Variants in TMEM200A observed in about 807,000 individuals in gnomAD.
TMEM200A encodes transmembrane protein 200A, also known as two transmembrane C.
TMEM200A carries 12 observed loss-of-function variants against 24.3 expected under a neutral mutation model. The ratio of observed to expected loss-of-function variants is 0.49; its 90% CI spans 0.32 to 0.80. TMEM200A has a LOEUF of 0.80. Among genes scored for constraint, TMEM200A ranks in the 30% least tolerant of loss-of-function variants. The pLI is 0.04. For synonymous variants in TMEM200A, 224 were observed against 224.4 expected, an observed-to-expected ratio of 1.00 and a Z score of 0.02; for missense variants, 545 against 614.4, an observed-to-expected ratio of 0.89 and a Z score of 1.19.
chr6:130,412,423 C>T (rs1053724349), intron 2 of TMEM200A, among the ~76,000 whole-genome samples: 1 of 152,110 alleles, frequency 6.6e-6, no homozygotes, highest in Non-Finnish European at 1.5e-5. Context: ...ATCCACCTTG[C>T]CCCTCCCACA....
chr6:130,407,419 G>C (rs1186764860), intron 2 of TMEM200A, among the ~76,000 whole-genome samples: 3 of 152,182 alleles, frequency 2.0e-5, no homozygotes, highest in Non-Finnish European at 1.5e-5. Context: ...ATTGTTAATG[G>C]TCGGGAGGTA....
At chr6:130,376,382 T>A (rs988462568) in intron 1 of TMEM200A, among the ~76,000 whole-genome samples, 1 of 152,144 alleles carries the variant, frequency 6.6e-6, no homozygotes, top group African/African-American at 2.4e-5. Flanking sequence ...GCGATTCTTA[T>A]GCTGGGACTC....
rs574915511 is a variant in TMEM200A at position 130,422,237 on chromosome 6, C to G, written c.-16-18170C>G. Among the ~76,000 whole-genome samples, 24 of 152,154 alleles carry G rather than the reference C, an allele frequency of 1.6e-4. No individual in the cohort carries two copies. The South Asian group carries it at 2.7e-3, about 17-fold the overall frequency. On this transcript the variant is annotated intron_variant, in intron 2 of 2. Transcript: ENST00000296978. ...TATCTTTTGTCTTTTTGGTAATAAC[C>G]TTCCTGAAAGGTGTGAGGAGATATC...
intron 1 of TMEM200A, among the ~76,000 whole-genome samples, chr6:130,380,622 TG>T (rs1562551013): frequency 6.6e-6 from 1 of 152,170 alleles, no homozygotes; most frequent in African/African-American, 2.4e-5. Context: ...TATGTGATGG[TG>T]GACCCTGAGG....
At chr6:130,391,008 A>G (rs552937890) in intron 2 of TMEM200A, among the ~76,000 whole-genome samples, 1 of 152,322 alleles carries the variant, frequency 6.6e-6, no homozygotes, top group South Asian at 2.1e-4. Context: ...TTGTCTCCAG[A>G]CATTGCCTAG....
intron 2 of TMEM200A, among the ~76,000 whole-genome samples, chr6:130,433,958 G>A (rs1347851500): frequency 6.6e-6 from 1 of 152,172 alleles, no homozygotes; most frequent in Non-Finnish European, 1.5e-5. Context: ...CTTCTTGGAA[G>A]CCTGTCCTGA....
At chr6:130,393,532 C>A (rs967223916) in intron 2 of TMEM200A, among the ~76,000 whole-genome samples, 1 of 152,112 alleles carries the variant, frequency 6.6e-6, no homozygotes, top group African/African-American at 2.4e-5. Context: ...GCTTCACATG[C>A]GAGCCTGAGC....
At chr6:130,374,412 GTTTTTGT>G (rs971753279) in intron 1 of TMEM200A, among the ~76,000 whole-genome samples, 9 of 148,474 alleles carry the variant, frequency 6.1e-5, no homozygotes, top group South Asian at 2.1e-4. Flanking sequence ...TTTTGTTTTT[GTTTTTGT>G]TTTTTTTTTT....
chr6:130,373,200 T>G (rs1778361222), intron 1 of TMEM200A, among the ~76,000 whole-genome samples: 1 of 152,198 alleles, frequency 6.6e-6, no homozygotes, highest in Admixed American at 6.5e-5. Context: ...GCAAAGTAAG[T>G]CAGATCGGCT....
intron 2 of TMEM200A, chr6:130,438,669 T>G (rs1780079647): frequency 6.6e-6 from 1 of 152,238 alleles, no homozygotes; most frequent in African/African-American, 2.4e-5. Flanking sequence ...ATTCAGCATT[T>G]TAGCAAATAT....
chr6:130,395,049 T>C (rs1778917915), intron 2 of TMEM200A, among the ~76,000 whole-genome samples: 1 of 152,206 alleles, frequency 6.6e-6, no homozygotes, highest in South Asian at 2.1e-4. Flanking sequence ...TGTGTAATTT[T>C]CACTGTATTG....
intron 1 of TMEM200A, among the ~76,000 whole-genome samples, chr6:130,367,153 A>T (rs1422043453): frequency 6.6e-6 from 1 of 152,192 alleles, no homozygotes; most frequent in African/African-American, 2.4e-5. Flanking sequence ...GTTTTTTTTA[A>T]ATAACAATTC....
chr6:130,395,328 C>T (rs976029671), intron 2 of TMEM200A, among the ~76,000 whole-genome samples: 6 of 152,098 alleles, frequency 3.9e-5, no homozygotes, highest in African/African-American at 1.2e-4. Flanking sequence ...TTGAAGAGCC[C>T]GTGTCAAAAT....
chr6:130,440,461 C>T lies in TMEM200A; in HGVS notation c.39C>T (p.Ala13=), dbSNP rs1217903190. The T allele has an allele frequency of 1.9e-6, 3 of 1,602,320 alleles. No individual in the cohort carries two copies. The highest frequency in any genetic ancestry group is 1.1e-5 in the South Asian group (1 of 88,838). The change falls in exon 3 of 3, where the codon GCC becomes GCT. Residue 13 remains alanine (A), a synonymous_variant. Transcript: ENST00000296978. ...ATGGVITGLA[A]LKRQDSARSQ... ...GTGGAGTGATAACTGGCCTGGCCGC[C>T]TTGAAAAGGCAAGACTCTGCCAGAT...
intron 2 of TMEM200A, among the ~76,000 whole-genome samples, chr6:130,399,883 T>C (rs466542): frequency 6.6e-6 from 1 of 151,996 alleles, no homozygotes; most frequent in African/African-American, 2.4e-5. Flanking sequence ...ATCATTCTTA[T>C]GCCTTTGCAT....
intron 2 of TMEM200A, among the ~76,000 whole-genome samples, chr6:130,400,530 T>A (rs557638488): frequency 1.1e-3 from 165 of 147,064 alleles, no homozygotes; most frequent in African/African-American, 3.8e-3. Flanking sequence ...TTTTTTTTTT[T>A]AATTGTGAGC....
At chr6:130,405,323 C>T (rs865947208) in intron 2 of TMEM200A, among the ~76,000 whole-genome samples, 2 of 152,110 alleles carry the variant, frequency 1.3e-5, no homozygotes, top group African/African-American at 4.8e-5. Context: ...TGTCATCTCT[C>T]ATTTCTATGA....
chr6:130,433,952 T>C (rs1282612804), intron 2 of TMEM200A, among the ~76,000 whole-genome samples: 3 of 152,200 alleles, frequency 2.0e-5, no homozygotes, highest in Non-Finnish European at 4.4e-5. Context: ...CCACCACTTC[T>C]TGGAAGCCTG....
At chr6:130,386,087 A>C (rs1412200629) in intron 2 of TMEM200A, among the ~76,000 whole-genome samples, 1 of 152,208 alleles carries the variant, frequency 6.6e-6, no homozygotes, top group Non-Finnish European at 1.5e-5. Flanking sequence ...ACTAACATTC[A>C]GTTTTGGGAG....
Sources: gnomAD v4.1 joint callset for allele counts (sites outside exome capture counted in the v4.1 genomes callset) on GRCh38, gnomAD v4.1.1 for gene constraint, MANE v1.5 for transcripts, NCBI Gene and HGNC (gene_info 2026-07-23, HGNC 2026-07-21) for gene names.